Variants in IL1RAPL1 observed in about 807,000 individuals in gnomAD.
IL1RAPL1 encodes the protein interleukin 1 receptor accessory protein like 1, also known as interleukin-1 receptor accessory protein-like 1.
A neutral mutation model predicts 48.4 loss-of-function variants in IL1RAPL1; 3 were observed. The ratio of observed to expected loss-of-function variants is 0.06; its 90% CI spans 0.03 to 0.16. IL1RAPL1 has a LOEUF of 0.16. Ranked by LOEUF, IL1RAPL1 falls within the 10% of genes least tolerant of loss-of-function variation. The pLI, the probability that IL1RAPL1 is intolerant of heterozygous loss-of-function variation, is 1.00. For synonymous variants in IL1RAPL1, 185 were observed against 187.7 expected (o/e 0.99, Z 0.12); for missense variants, 349 against 530.6 (o/e 0.66, Z 3.36).
At chrX:29,503,627 G>T (rs1355390624) in intron 5 of IL1RAPL1, among the ~76,000 whole-genome samples, 1 of 111,000 alleles carries the variant, frequency 9.0e-6, no homozygotes, top group African/African-American at 3.3e-5. Flanking sequence ...TCCAGAGCAT[G>T]TTGCTAAATT....
chrX:28,750,921 G>A (rs1226311679), intron 1 of IL1RAPL1, among the ~76,000 whole-genome samples: 1 of 111,969 alleles, frequency 8.9e-6, no homozygotes, highest in Non-Finnish European at 1.9e-5. Context: ...TTGTCAGTCT[G>A]TAAGTGTGAG....
intron 1 of IL1RAPL1, among the ~76,000 whole-genome samples, chrX:28,643,609 C>T (rs1348180494): frequency 6.4e-5 from 7 of 110,170 alleles, no homozygotes. Flanking sequence ...ATTTGTTAAG[C>T]ACTTTGTTGC....
chrX:29,195,973 T>A (rs1379152334), intron 2 of IL1RAPL1, among the ~76,000 whole-genome samples: 1 of 111,874 alleles, frequency 8.9e-6, no homozygotes, highest in African/African-American at 3.3e-5. Context: ...TCTAAACAAA[T>A]TTTCTTCGGT....
chrX:29,830,892 T>C (rs1930860641), intron 6 of IL1RAPL1, among the ~76,000 whole-genome samples: 1 of 111,570 alleles, frequency 9.0e-6, no homozygotes, highest in African/African-American at 3.3e-5. Flanking sequence ...TAAAGGAGTT[T>C]CAGGCCTCAA....
intron 5 of IL1RAPL1, among the ~76,000 whole-genome samples, chrX:29,559,780 T>G (rs1176119428): frequency 1.8e-5 from 2 of 111,859 alleles, no homozygotes; most frequent in East Asian, 2.8e-4. Context: ...GTACAAAAGC[T>G]CTATACTTTT....
intron 5 of IL1RAPL1, among the ~76,000 whole-genome samples, chrX:29,608,542 G>A (rs1023723553): frequency 9.0e-6 from 1 of 111,436 alleles, no homozygotes; most frequent in Non-Finnish European, 1.9e-5. Context: ...AATAAGAGGA[G>A]GAGGCCGGGC....
intron 3 of IL1RAPL1, among the ~76,000 whole-genome samples, chrX:29,342,640 C>A (rs12008225): frequency 0.046 from 5,132 of 111,590 alleles, 291 homozygotes; most frequent in African/African-American, 0.16. Flanking sequence ...GAGCAGAGGA[C>A]CCTGTAGAAA....
At chrX:29,882,231 T>A (rs1048233943) in intron 6 of IL1RAPL1, among the ~76,000 whole-genome samples, 19 of 111,459 alleles carry the variant, frequency 1.7e-4, no homozygotes, top group African/African-American at 5.9e-4. Context: ...TAAACACAAG[T>A]TTTCTCTGCA....
chrX:29,438,109 A>G (rs1030738366), intron 5 of IL1RAPL1, among the ~76,000 whole-genome samples: 2 of 111,201 alleles, frequency 1.8e-5, no homozygotes, highest in Non-Finnish European at 3.8e-5. Context: ...GAGTTGTCAC[A>G]GTTCATGATT....
chrX:29,508,551 C>A (rs1046767308), intron 5 of IL1RAPL1, among the ~76,000 whole-genome samples: 1 of 111,497 alleles, frequency 9.0e-6, no homozygotes, highest in Non-Finnish European at 1.9e-5. Flanking sequence ...AGAAAAAAAA[C>A]AATGAATATT....
intron 6 of IL1RAPL1, among the ~76,000 whole-genome samples, chrX:29,853,420 C>T (rs142974504): frequency 0.01 from 1,144 of 110,503 alleles, 14 homozygotes; most frequent in African/African-American, 0.035. Context: ...ATTGCACAAA[C>T]GCACTCCAGC....
intron 5 of IL1RAPL1, among the ~76,000 whole-genome samples, chrX:29,488,662 G>A (rs1190900798): frequency 3.6e-5 from 4 of 110,526 alleles, no homozygotes; most frequent in Non-Finnish European, 7.6e-5. Context: ...ACTATGAGAG[G>A]TGGTGCATAT....
At chrX:29,752,635 C>T (rs908938004) in intron 6 of IL1RAPL1, among the ~76,000 whole-genome samples, 1 of 110,902 alleles carries the variant, frequency 9.0e-6, no homozygotes, top group African/African-American at 3.3e-5. Context: ...AGGAGATGAG[C>T]GTTCATGTAT....
At chrX:29,125,449 T>G (rs1928878939) in intron 2 of IL1RAPL1, among the ~76,000 whole-genome samples, 1 of 112,173 alleles carries the variant, frequency 8.9e-6, no homozygotes, top group Admixed American at 9.5e-5. Flanking sequence ...GATGAATTGC[T>G]TGTTGTGTTC....
At chrX:29,925,859 C>T (rs998698956) in intron 8 of IL1RAPL1, among the ~76,000 whole-genome samples, 4 of 112,223 alleles carry the variant, frequency 3.6e-5, no homozygotes, top group African/African-American at 9.7e-5. Context: ...CTTCTTGATA[C>T]GGATATTCCA....
intron 3 of IL1RAPL1, among the ~76,000 whole-genome samples, chrX:29,305,171 C>T (rs996333597): frequency 1.8e-5 from 2 of 111,781 alleles, no homozygotes; most frequent in African/African-American, 3.3e-5. Flanking sequence ...AAATTATAAC[C>T]GGGTGGTATT....
At chrX:28,857,702 C>T (rs1452675750) in intron 2 of IL1RAPL1, among the ~76,000 whole-genome samples, 1 of 111,427 alleles carries the variant, frequency 9.0e-6, no homozygotes, top group Non-Finnish European at 1.9e-5. Context: ...CAAAATATTA[C>T]TGCTTATTGA....
At position 28,898,238 on chromosome X, in the gene IL1RAPL1, C is replaced by T. The variant is rs114115210; in HGVS notation, c.82+108813C>T. On this transcript the variant is annotated intron_variant, in intron 2 of 10. Coordinates refer to ENST00000378993, the MANE Select transcript of IL1RAPL1 (RefSeq NM_014271.4). The stretch of plus-strand genomic sequence containing the variant: ...TTGGGTTCCCTTTTTACTATCTGGA[C>T]AGTGTCCTTTGAAACACAAGATTTT... 7.5e-3 allele frequency among the ~76,000 whole-genome samples: 844 copies of T among 111,845 alleles called. 7 individuals are homozygous for T. Among genetic ancestry groups the T allele is most frequent in the African/African-American group, 0.026 (807 of 30,799 alleles).
intron 2 of IL1RAPL1, among the ~76,000 whole-genome samples, chrX:28,899,583 T>C (rs954918624): frequency 1.8e-5 from 2 of 112,524 alleles, no homozygotes; most frequent in African/African-American, 6.5e-5. Context: ...GCTTCCCGTA[T>C]GTGGGAGACT....
Sources: allele counts gnomAD v4.1 joint callset (sites outside exome capture counted in the v4.1 genomes callset), GRCh38; gene constraint gnomAD v4.1.1; transcripts MANE v1.5; gene names NCBI Gene and HGNC (gene_info 2026-07-23, HGNC 2026-07-21).